The following B4GALT6 variants were observed in gnomAD, a reference collection of about 807,000 sequenced individuals.
B4GALT6 encodes UDP-Gal:beta-GlcNAc beta-1,4-galactosyltransferase 6.
Under a neutral mutation model 46.3 loss-of-function variants are expected in B4GALT6, and 14 were observed. That is an observed-to-expected ratio of 0.30 (90% CI 0.20 to 0.47). B4GALT6 has a LOEUF of 0.47. B4GALT6 is among the 20% of genes least tolerant of loss of function. The pLI is 0.99. For synonymous variants in B4GALT6, 168 were observed against 162.0 expected, an observed-to-expected ratio of 1.04 and a Z score of -0.28; for missense variants, 386 against 480.1, an observed-to-expected ratio of 0.80 and a Z score of 1.83.
chr18:31,627,774 A>G (rs2073719754), intron 6 of B4GALT6, among the ~76,000 whole-genome samples: 1 of 152,222 alleles, frequency 6.6e-6, no homozygotes, highest in Non-Finnish European at 1.5e-5. Context: ...CAAACGATGC[A>G]ATGTTTTTAA....
the B4GALT6 span, chr18:31,724,306 T>C: frequency 2.0e-6 from 1 of 504,158 alleles, no homozygotes; most frequent in Non-Finnish European, 3.1e-6. Context: ...CCTCCTCACA[T>C]GGCAACTATT....
intron 2 of B4GALT6, among the ~76,000 whole-genome samples, chr18:31,659,097 A>T (rs2074179514): frequency 6.6e-6 from 1 of 152,226 alleles, no homozygotes; most frequent in Non-Finnish European, 1.5e-5. Flanking sequence ...AGACGGAAAC[A>T]GCTCATTAAA....
At chr18:31,700,488 G>A in the B4GALT6 span, among the ~76,000 whole-genome samples, 4 of 133,140 alleles carry the variant, frequency 3.0e-5, no homozygotes, top group African/African-American at 1.1e-4. Context: ...ACAGAGTCTC[G>A]CTCTGTCGCC....
Position 31,631,109 on chromosome 18 carries a change from T to C in B4GALT6, c.626A>G (p.Asn209Ser), listed in dbSNP as rs1422355352. 2.5e-6 allele frequency: 4 copies of C among 1,614,104 alleles called. No individual in the cohort carries two copies. The highest frequency in any genetic ancestry group is 3.4e-6 in the Non-Finnish European group (4 of 1,180,014). ...TQPFNRAMLF[N>S]VGFKEAMKDS... The stretch of plus-strand genomic sequence containing the variant: ...TTTCATGGCCTCTTTGAAGCCCACA[T>C]TGAAAAGCATCGCACGGTTAAAAGG... The change falls in exon 6 of 9, where the codon AAT becomes AGT. Residue 209 changes from asparagine (N) to serine (S), a missense_variant. This residue lies in a region of B4GALT6 where 323 missense variants were observed against 438.9 expected (regional missense o/e 0.74). Transcript: ENST00000306851.
At chr18:31,627,798 A>G (rs941150923) in intron 6 of B4GALT6, among the ~76,000 whole-genome samples, 6 of 152,212 alleles carry the variant, frequency 3.9e-5, no homozygotes, top group South Asian at 2.1e-4. Context: ...TTTCTAAACT[A>G]TATTTTTACT....
intron 1 of B4GALT6, among the ~76,000 whole-genome samples, chr18:31,674,847 G>A (rs556334226): frequency 1.8e-4 from 27 of 151,632 alleles, no homozygotes; most frequent in Non-Finnish European, 3.1e-4. Flanking sequence ...GATGTGCCAG[G>A]CTGTTTAAAA....
intron 5 of B4GALT6, among the ~76,000 whole-genome samples, chr18:31,636,140 T>C (rs2144534480): frequency 6.6e-6 from 1 of 152,372 alleles, no homozygotes; most frequent in African/African-American, 2.4e-5. Context: ...GCTCATATCA[T>C]ATCTAAAGAT....
At chr18:31,711,381 T>C in the B4GALT6 span, among the ~76,000 whole-genome samples, 1 of 152,160 alleles carries the variant, frequency 6.6e-6, no homozygotes, top group African/African-American at 2.4e-5. Flanking sequence ...ACCCAATAGT[T>C]ATATTTTCTG....
intron 6 of B4GALT6, among the ~76,000 whole-genome samples, chr18:31,629,417 T>C (rs1308948286): frequency 1.3e-5 from 2 of 149,336 alleles, no homozygotes; most frequent in Non-Finnish European, 3.0e-5. Context: ...ATAAATTAAT[T>C]TAGAATTCTT....
chr18:31,706,739 G>A, the B4GALT6 span, among the ~76,000 whole-genome samples: 3 of 152,262 alleles, frequency 2.0e-5, no homozygotes, highest in Middle Eastern at 3.4e-3. Context: ...TTAATAACCA[G>A]TAACAATGTA....
the B4GALT6 span, chr18:31,724,313 T>C: frequency 5.6e-6 from 3 of 535,062 alleles, no homozygotes; most frequent in African/African-American, 4.1e-5. Context: ...ACATGGCAAC[T>C]ATTGTGGCTA....
chr18:31,639,004 T>C (rs745576495), intron 4 of B4GALT6, among the ~76,000 whole-genome samples: 7 of 152,216 alleles, frequency 4.6e-5, no homozygotes, highest in Admixed American at 6.5e-5. Flanking sequence ...CTTTAACCTA[T>C]GAACATCATG....
chr18:31,641,128 A>G (rs1358015099), intron 4 of B4GALT6, among the ~76,000 whole-genome samples: 2 of 152,256 alleles, frequency 1.3e-5, no homozygotes, highest in Non-Finnish European at 2.9e-5. Flanking sequence ...AAATGGCTGC[A>G]GAGTCCCAAT....
In B4GALT6 at chr18:31,623,555, A is replaced by G. The variant is rs2073645540; in HGVS notation, c.*2059T>C. 1 of 152,388 alleles carries G rather than the reference A, an allele frequency of 6.6e-6. No individual in the cohort carries two copies. Among genetic ancestry groups the G allele is most frequent in the Non-Finnish European group, 1.5e-5 (1 of 67,864 alleles). 9.4% of individuals were successfully genotyped at this position (152,388 alleles called of 1,614,324 possible). A position where few individuals can be genotyped will look rare whatever the true frequency, so the allele number is the denominator to read the frequency against. ...TGATCAACAAATGTTAACATTCTCA[A>G]TCTCTTTCATTGACTTTAAAAACTA... On this transcript the variant is annotated 3_prime_UTR_variant, in exon 9 of 9. Coordinates refer to ENST00000306851, the MANE Select transcript of B4GALT6 (RefSeq NM_004775.5).
chr18:31,681,078 C>T (rs146440836), intron 1 of B4GALT6, among the ~76,000 whole-genome samples: 58 of 150,054 alleles, frequency 3.9e-4, no homozygotes, highest in Admixed American at 1.1e-3. Flanking sequence ...TGTACTATGA[C>T]GGAAGAAAAT....
the B4GALT6 span, among the ~76,000 whole-genome samples, chr18:31,712,676 T>G: frequency 4.6e-5 from 7 of 152,336 alleles, no homozygotes; most frequent in Non-Finnish European, 1.0e-4. Flanking sequence ...AAGAACACTT[T>G]GATTTCTTCC....
Position 31,632,400 on chromosome 18 carries a change from T to A in B4GALT6, c.589-1254A>T, listed in dbSNP as rs555916631. 3.3e-5 allele frequency among the ~76,000 whole-genome samples: 5 copies of A among 152,346 alleles called. No homozygotes were observed. The South Asian group carries it at 1.0e-3, about 32-fold the overall frequency. On this transcript the variant is annotated intron_variant, in intron 5 of 8. Coordinates refer to ENST00000306851, the MANE Select transcript of B4GALT6 (RefSeq NM_004775.5). ...TTTAAAAATTGTTTTTATTAAATGT[T>A]TTATTAAATGTGGACATAATACTCA...
chr18:31,672,682 T>C (rs1045294752), intron 1 of B4GALT6, among the ~76,000 whole-genome samples: 5 of 152,384 alleles, frequency 3.3e-5, no homozygotes, highest in Non-Finnish European at 7.3e-5. Context: ...TATGTAATCC[T>C]CACAAGCAAT....
the B4GALT6 span, among the ~76,000 whole-genome samples, chr18:31,699,636 G>GGA: frequency 5.8e-5 from 6 of 104,124 alleles, no homozygotes; most frequent in East Asian, 1.7e-3. Context: ...TCTCTTCCTG[G>GGA]AAAAAAAAAA....
Sources: allele counts gnomAD v4.1 joint callset (sites outside exome capture counted in the v4.1 genomes callset), GRCh38; gene constraint gnomAD v4.1.1; regional missense constraint gnomAD v4.1.1; transcripts MANE v1.5; gene names NCBI Gene and HGNC (gene_info 2026-07-23, HGNC 2026-07-21).